Variants in CDH12 observed in about 807,000 individuals in gnomAD.
The protein encoded by CDH12 is cadherin 12.
A neutral mutation model predicts 74.1 loss-of-function variants in CDH12; 41 were observed. The ratio of observed to expected loss-of-function variants is 0.55; its 90% CI spans 0.43 to 0.72. CDH12 has a LOEUF of 0.72. CDH12 is among the 30% of genes least tolerant of loss of function. CDH12 has a pLI of 0.00. For missense variants in CDH12, 945 were observed against 977.2 expected, an observed-to-expected ratio of 0.97 and a Z score of 0.44; for synonymous variants, 399 against 355.0, an observed-to-expected ratio of 1.12 and a Z score of -1.39.
chr5:22,703,964 C>A (rs1742850624), intron 1 of CDH12, among the ~76,000 whole-genome samples: 1 of 152,018 alleles, frequency 6.6e-6, no homozygotes, highest in South Asian at 2.1e-4. Context: ...AGTGACTGTG[C>A]CATGTAAAAC....
intron 3 of CDH12, among the ~76,000 whole-genome samples, chr5:22,364,515 C>T (rs946798017): frequency 2.0e-5 from 3 of 151,940 alleles, no homozygotes; most frequent in African/African-American, 7.3e-5. Context: ...AATCTGTGGC[C>T]GGCAACAGGG....
chr5:22,166,670 G>C (rs1748698873), intron 4 of CDH12, among the ~76,000 whole-genome samples: 1 of 151,978 alleles, frequency 6.6e-6, no homozygotes, highest in South Asian at 2.1e-4. Flanking sequence ...AAAATATTTT[G>C]ACAGATTAAA....
At chr5:22,100,813 A>G (rs1744099922) in intron 4 of CDH12, among the ~76,000 whole-genome samples, 1 of 152,154 alleles carries the variant, frequency 6.6e-6, no homozygotes, top group Non-Finnish European at 1.5e-5. Context: ...TGAATTTCAT[A>G]TACCACTGGG....
rs553587425 is a variant in CDH12, at chr5:21,854,456, T to C, written c.646+215A>G. Among the ~76,000 whole-genome samples, 37 of 151,858 alleles carry C rather than the reference T, an allele frequency of 2.4e-4. 1 individual carries two copies. Among genetic ancestry groups the C allele is most frequent in the Admixed American group, 2.3e-3 (35 of 15,192 alleles). On this transcript the variant is annotated intron_variant, in intron 7 of 14. Coordinates refer to ENST00000382254, the MANE Select transcript of CDH12 (RefSeq NM_004061.5). ...CTGCTTACCTAACAAATTTGAACTTTAGAAAGATATGTTAAAAGGTTTATT... is the reference window on the plus strand; with the variant it reads ...CTGCTTACCTAACAAATTTGAACTTCAGAAAGATATGTTAAAAGGTTTATT...
At chr5:21,852,966 T>G (rs1406940912) in intron 7 of CDH12, among the ~76,000 whole-genome samples, 1 of 151,514 alleles carries the variant, frequency 6.6e-6, no homozygotes, top group African/African-American at 2.4e-5. Flanking sequence ...ATGAAATATT[T>G]TAGATAATTT....
chr5:21,852,302 G>T (rs1250084092), intron 7 of CDH12, among the ~76,000 whole-genome samples: 2 of 151,118 alleles, frequency 1.3e-5, no homozygotes, highest in Admixed American at 1.3e-4. Context: ...CTATTACATA[G>T]CTTACGACAG....
chr5:22,118,509 A>T (rs1451971723), intron 4 of CDH12, among the ~76,000 whole-genome samples: 1 of 152,056 alleles, frequency 6.6e-6, no homozygotes, highest in Non-Finnish European at 1.5e-5. Flanking sequence ...AAATGCATTT[A>T]AAAACTGAAA....
chr5:22,548,670 C>A (rs1244090526), intron 1 of CDH12, among the ~76,000 whole-genome samples: 3 of 152,058 alleles, frequency 2.0e-5, no homozygotes, highest in Non-Finnish European at 4.4e-5. Context: ...ATCTCTATAA[C>A]ATATCCGACC....
At chr5:22,648,474 AT>A (rs1277817403) in intron 1 of CDH12, among the ~76,000 whole-genome samples, 1 of 151,874 alleles carries the variant, frequency 6.6e-6, no homozygotes, top group Non-Finnish European at 1.5e-5. Flanking sequence ...CTGTTTTGAA[AT>A]TCTCTTGAGC....
intron 2 of CDH12, among the ~76,000 whole-genome samples, chr5:22,459,274 T>A (rs1316300502): frequency 2.0e-5 from 3 of 152,128 alleles, no homozygotes; most frequent in African/African-American, 7.2e-5. Context: ...TAAATGAGTA[T>A]AAGTACCACT....
intron 3 of CDH12, among the ~76,000 whole-genome samples, chr5:22,236,038 C>A (rs955130467): frequency 6.6e-6 from 1 of 152,070 alleles, no homozygotes; most frequent in Non-Finnish European, 1.5e-5. Context: ...AAAAAGGTAC[C>A]GTAAAAATGC....
At chr5:21,884,598 T>A (rs1158996480) in intron 6 of CDH12, among the ~76,000 whole-genome samples, 1 of 152,220 alleles carries the variant, frequency 6.6e-6, no homozygotes, top group Non-Finnish European at 1.5e-5. Context: ...GCTTTCAACC[T>A]AAATCACTGA....
At chr5:22,614,238 G>T (rs1445641633) in intron 1 of CDH12, among the ~76,000 whole-genome samples, 2 of 152,108 alleles carry the variant, frequency 1.3e-5, no homozygotes, top group African/African-American at 4.8e-5. Context: ...ATGAGGGCGA[G>T]ATATCAACAC....
rs149990669 is a variant in CDH12 at position 22,406,022 on chromosome 5, C to T, written c.-427-671G>A. 4.5e-4 allele frequency among the ~76,000 whole-genome samples: 68 copies of T among 152,074 alleles called. No individual in the cohort carries two copies. In the East Asian group the frequency reaches 0.012, roughly 27 times the overall value. On this transcript the variant is annotated intron_variant, in intron 2 of 14. Coordinates refer to ENST00000382254, the MANE Select transcript of CDH12 (RefSeq NM_004061.5). ...TAAAAATGTTTGTACATATTCATTA[C>T]GGATGCAATTTTTTAAAGCATATAT... is the stretch of plus-strand genomic sequence containing the variant.
At chr5:22,343,175 A>T (rs1739949755) in intron 3 of CDH12, among the ~76,000 whole-genome samples, 1 of 151,570 alleles carries the variant, frequency 6.6e-6, no homozygotes, top group South Asian at 2.1e-4. Context: ...TTTTCAAAGT[A>T]GAACGTAGAC....
chr5:22,276,457 G>A (rs542281191), intron 3 of CDH12, among the ~76,000 whole-genome samples: 2 of 152,080 alleles, frequency 1.3e-5, no homozygotes, highest in Non-Finnish European at 2.9e-5. Context: ...AATGAATACT[G>A]ATGTCAAAAT....
At chr5:22,286,094 A>G (rs1737122131) in intron 3 of CDH12, among the ~76,000 whole-genome samples, 1 of 152,144 alleles carries the variant, frequency 6.6e-6, no homozygotes, top group South Asian at 2.1e-4. Context: ...ATAGTAACTT[A>G]TTTCTTATTG....
At chr5:22,578,149 G>A (rs1198934408) in intron 1 of CDH12, among the ~76,000 whole-genome samples, 1 of 152,068 alleles carries the variant, frequency 6.6e-6, no homozygotes, top group Admixed American at 6.6e-5. Flanking sequence ...GTTATATCCA[G>A]TGTCTTTCTA....
At chr5:22,094,860 A>AC (rs1195647771) in intron 4 of CDH12, among the ~76,000 whole-genome samples, 2 of 151,670 alleles carry the variant, frequency 1.3e-5, no homozygotes, top group African/African-American at 2.4e-5. Flanking sequence ...GCACCTTGTG[A>AC]CCCCCACTCC....
Sources: gnomAD v4.1 joint callset for allele counts (sites outside exome capture counted in the v4.1 genomes callset) on GRCh38, gnomAD v4.1.1 for gene constraint, MANE v1.5 for transcripts, NCBI Gene and HGNC (gene_info 2026-07-23, HGNC 2026-07-21) for gene names.